NCKAP5: variants seen among roughly 807,000 people sequenced by gnomAD.
NCKAP5 encodes nck-associated protein 5.
NCKAP5 carries 92 observed loss-of-function variants against 167.0 expected under a neutral mutation model. That is an observed-to-expected ratio of 0.55 (90% CI 0.47 to 0.66). The LOEUF (loss-of-function observed/expected upper bound fraction) is 0.66, where lower values mean the gene tolerates loss of function less well. Ranked by LOEUF, NCKAP5 falls within the 30% of genes least tolerant of loss-of-function variation. The pLI is 0.00. For missense variants in NCKAP5, 2,378 were observed against 2,315.0 expected, an observed-to-expected ratio of 1.03 and a Z score of -0.56; for synonymous variants, 891 against 877.4, an observed-to-expected ratio of 1.02 and a Z score of -0.27.
intron 6 of NCKAP5, among the ~76,000 whole-genome samples, chr2:133,000,691 A>G (rs1266044105): frequency 1.3e-5 from 2 of 152,198 alleles, no homozygotes; most frequent in Non-Finnish European, 2.9e-5. Flanking sequence ...CTAGTCTCTT[A>G]TGATGGATTT....
the NCKAP5 span, among the ~76,000 whole-genome samples, chr2:133,661,718 G>T: frequency 6.6e-6 from 1 of 152,162 alleles, no homozygotes; most frequent in Non-Finnish European, 1.5e-5. Context: ...ATTTGAGTTT[G>T]AAGGTCTCCC....
intron 13 of NCKAP5, among the ~76,000 whole-genome samples, chr2:132,789,174 A>G (rs1037431957): frequency 1.3e-5 from 2 of 152,246 alleles, no homozygotes; most frequent in Admixed American, 1.3e-4. Context: ...GGAGAGAGAC[A>G]AAGAGGTGTG....
chr2:133,474,686 TAAAC>T (rs969509761), intron 3 of NCKAP5, among the ~76,000 whole-genome samples: 9 of 152,124 alleles, frequency 5.9e-5, no homozygotes, highest in African/African-American at 2.2e-4. Context: ...ATACAAAAAA[TAAAC>T]AAATAATGAA....
chr2:133,011,391 TGAAAGAAGA>T (rs1191829370), intron 6 of NCKAP5, among the ~76,000 whole-genome samples: 17 of 152,204 alleles, frequency 1.1e-4, no homozygotes, highest in Non-Finnish European at 2.1e-4. Context: ...AGGACTGCGC[TGAAAGAAGA>T]GCAGATTTAA....
At chr2:133,101,610 G>T (rs1336977583) in intron 6 of NCKAP5, among the ~76,000 whole-genome samples, 2 of 151,858 alleles carry the variant, frequency 1.3e-5, no homozygotes, top group Non-Finnish European at 2.9e-5. Flanking sequence ...CCTTGAAGAG[G>T]TCCTTCACAT....
At chr2:133,560,479 T>C (rs1427038685) in intron 1 of NCKAP5, among the ~76,000 whole-genome samples, 1 of 152,090 alleles carries the variant, frequency 6.6e-6, no homozygotes, top group Non-Finnish European at 1.5e-5. Flanking sequence ...CAAGAGTACA[T>C]CACAAGTAAA....
At chr2:132,801,082 C>G (rs961212791) in intron 11 of NCKAP5, among the ~76,000 whole-genome samples, 1 of 152,148 alleles carries the variant, frequency 6.6e-6, no homozygotes, top group Non-Finnish European at 1.5e-5. Flanking sequence ...CCCAGGAATA[C>G]CTCCCTCATA....
chr2:133,609,574 A>G, the NCKAP5 span, among the ~76,000 whole-genome samples: 1 of 151,962 alleles, frequency 6.6e-6, no homozygotes, highest in East Asian at 1.9e-4. Context: ...CCTCATTATT[A>G]TCTAGGGGCC....
chr2:132,784,330 T>C lies in NCKAP5; in HGVS notation c.2481A>G (p.Ser827=). 2 of 1,614,036 alleles carry C rather than the reference T, an allele frequency of 1.2e-6. No homozygotes were observed. The highest frequency in any genetic ancestry group is 2.2e-5 in the South Asian group (2 of 91,084). The change falls in exon 14 of 20, where the codon TCA becomes TCG. Residue 827 remains serine (S), a synonymous_variant. Transcript: ENST00000409261. ...ATTTTTCAAGAGTCACCAGGCCAGATGAAGGGAGTAGTGTGGTGGCTTCGG... is the reference window on the plus strand; with the variant it reads ...ATTTTTCAAGAGTCACCAGGCCAGACGAAGGGAGTAGTGTGGTGGCTTCGG... ...MEPEATTLLP[S]SGLVTLEKSP...
At chr2:133,660,026 C>T in the NCKAP5 span, among the ~76,000 whole-genome samples, 16,658 of 152,134 alleles carry the variant, frequency 0.11, 1,959 homozygotes, top group African/African-American at 0.28. Flanking sequence ...GAAGGAGGCT[C>T]AGGCTGGATT....
At chr2:133,225,429 C>G (rs2086840043) in intron 4 of NCKAP5, among the ~76,000 whole-genome samples, 2 of 152,274 alleles carry the variant, frequency 1.3e-5, no homozygotes, top group African/African-American at 2.4e-5. Flanking sequence ...TGTGAGGAGG[C>G]TTGAGCCATT....
chr2:133,575,526 C>T, the NCKAP5 span, among the ~76,000 whole-genome samples: 1,053 of 152,292 alleles, frequency 6.9e-3, 16 homozygotes, highest in African/African-American at 0.023. Context: ...CTTAATTCTA[C>T]GGCCAGTGCC....
intron 16 of NCKAP5, among the ~76,000 whole-genome samples, chr2:132,756,274 T>C (rs1680546892): frequency 1.3e-5 from 2 of 152,156 alleles, no homozygotes; most frequent in South Asian, 4.1e-4. Flanking sequence ...GACTGAAACA[T>C]TGTCTCCCCA....
chr2:133,181,681 G>A (rs76538469), intron 5 of NCKAP5, among the ~76,000 whole-genome samples: 8,885 of 151,152 alleles, frequency 0.059, 301 homozygotes, highest in African/African-American at 0.085. Context: ...GGGAGGCTGA[G>A]GTGAAAGGAT....
At chr2:132,975,892 T>C (rs2076964969) in intron 7 of NCKAP5, among the ~76,000 whole-genome samples, 1 of 152,078 alleles carries the variant, frequency 6.6e-6, no homozygotes, top group Admixed American at 6.5e-5. Context: ...GCTGAGCTCA[T>C]GGACTTAGCA....
intron 5 of NCKAP5, among the ~76,000 whole-genome samples, chr2:133,183,731 T>C (rs776981334): frequency 3.9e-5 from 6 of 152,264 alleles, no homozygotes; most frequent in Admixed American, 6.5e-5. Flanking sequence ...GATCTAGCCA[T>C]TGCAATCAGG....
chr2:132,798,386 A>G (rs1684771457), intron 11 of NCKAP5, among the ~76,000 whole-genome samples: 1 of 152,238 alleles, frequency 6.6e-6, no homozygotes, highest in Non-Finnish European at 1.5e-5. Context: ...TTAAAGATTG[A>G]GAGAGTGCCA....
chr2:133,162,756 A>G (rs2083848952), intron 5 of NCKAP5, among the ~76,000 whole-genome samples: 1 of 152,198 alleles, frequency 6.6e-6, no homozygotes, highest in African/African-American at 2.4e-5. Flanking sequence ...TCTTATAAGA[A>G]GACAATTCAG....
At chr2:132,757,999 T>A (rs1031609690) in intron 16 of NCKAP5, among the ~76,000 whole-genome samples, 1 of 152,150 alleles carries the variant, frequency 6.6e-6, no homozygotes, top group Non-Finnish European at 1.5e-5. Flanking sequence ...ACCCTAGGGA[T>A]TTTACAAACT....
Sources: allele counts gnomAD v4.1 joint callset (sites outside exome capture counted in the v4.1 genomes callset), GRCh38; gene constraint gnomAD v4.1.1; transcripts MANE v1.5; gene names NCBI Gene and HGNC (gene_info 2026-07-23, HGNC 2026-07-21).